NELL1: variants seen among roughly 807,000 people sequenced by gnomAD.
NELL1 encodes neural EGFL like 1, also known as protein kinase C-binding protein NELL1.
In NELL1, 76 loss-of-function variants were observed where a neutral mutation model predicts 107.4. The ratio of observed to expected loss-of-function variants is 0.71; its 90% CI spans 0.59 to 0.86. The LOEUF (loss-of-function observed/expected upper bound fraction) is 0.86. Ranked by LOEUF, NELL1 falls within the 40% of genes least tolerant of loss-of-function variation. The pLI is 0.00. For missense variants in NELL1, 1,024 were observed against 1,005.5 expected (o/e 1.02, Z -0.25); for synonymous variants, 353 against 341.2 (o/e 1.03, Z -0.38).
chr11:20,695,326 C>G lies in NELL1; in HGVS notation c.184+17266C>G, dbSNP rs146461559. On this transcript the variant is annotated intron_variant, in intron 2 of 19. Coordinates refer to ENST00000357134, the MANE Select transcript of NELL1 (RefSeq NM_006157.5). ...ATTGGTCTGACTAGCACTTCCAGTA[C>G]TGTGTTGAATAGGAGTGGTGAAAGT... Among the ~76,000 whole-genome samples the G allele has an allele frequency of 2.4e-3, 366 of 152,138 alleles. 2 individuals are homozygous for G. Among genetic ancestry groups the G allele is most frequent in the African/African-American group, 8.3e-3 (344 of 41,520 alleles).
chr11:21,094,789 C>T (rs1854602539), intron 12 of NELL1, among the ~76,000 whole-genome samples: 1 of 152,182 alleles, frequency 6.6e-6, no homozygotes, highest in African/African-American at 2.4e-5. Context: ...CACGAAGACC[C>T]TGGGCCTGGC....
At chr11:21,374,622 CA>C (rs1851428648) in intron 15 of NELL1, among the ~76,000 whole-genome samples, 1 of 152,032 alleles carries the variant, frequency 6.6e-6, no homozygotes, top group Admixed American at 6.6e-5. Flanking sequence ...AAACGATTGT[CA>C]AAGTATTTGT....
chr11:20,742,695 C>T (rs1590251645), intron 2 of NELL1, among the ~76,000 whole-genome samples: 1 of 152,096 alleles, frequency 6.6e-6, no homozygotes, highest in Non-Finnish European at 1.5e-5. Context: ...ACAAGAACAG[C>T]ATGGGAAAGA....
intron 12 of NELL1, among the ~76,000 whole-genome samples, chr11:21,080,857 A>G (rs1460505840): frequency 6.6e-6 from 1 of 151,976 alleles, no homozygotes; most frequent in Admixed American, 6.6e-5. Context: ...GTAGTGTTGG[A>G]TTATATGATC....
rs370514875 is a variant in NELL1 at position 21,478,493 on chromosome 11, T to C, written c.1646-55881T>C. On this transcript the variant is annotated intron_variant, in intron 15 of 19. Transcript: ENST00000357134. ...GGAGACAAGGCAAGTCCCTTCTCCC[T>C]GGGAGCCTGTAAAATCAAATGCAGG... Among the ~76,000 whole-genome samples, 6 of 152,258 alleles carry C rather than the reference T, an allele frequency of 3.9e-5. 1 individual carries two copies. The highest frequency in any genetic ancestry group is 1.4e-4 in the African/African-American group (6 of 41,568).
chr11:21,230,862 T>C (rs1056423048), intron 14 of NELL1, among the ~76,000 whole-genome samples: 4 of 152,188 alleles, frequency 2.6e-5, no homozygotes, highest in Admixed American at 1.3e-4. Context: ...TCAAAGTACG[T>C]ATTCTACTGA....
chr11:21,100,861 T>C (rs11025916), intron 12 of NELL1, among the ~76,000 whole-genome samples: 25,542 of 152,142 alleles, frequency 0.17, 2,378 homozygotes, highest in Middle Eastern at 0.3. Context: ...AATTATACTT[T>C]AAGTTTTAGA....
intron 15 of NELL1, among the ~76,000 whole-genome samples, chr11:21,502,798 C>T (rs1050033955): frequency 6.6e-6 from 1 of 152,154 alleles, no homozygotes; most frequent in Non-Finnish European, 1.5e-5. Flanking sequence ...CATCCTCAGG[C>T]AGATCCATGG....
At chr11:21,082,726 A>G (rs1854298761) in intron 12 of NELL1, among the ~76,000 whole-genome samples, 1 of 152,028 alleles carries the variant, frequency 6.6e-6, no homozygotes. Context: ...TCCCCCCAAA[A>G]AAACAGTTAA....
chr11:20,685,347 ATTCAT>A (rs977923549), intron 2 of NELL1, among the ~76,000 whole-genome samples: 2 of 152,064 alleles, frequency 1.3e-5, no homozygotes, highest in Admixed American at 1.3e-4. Flanking sequence ...AAAATTGAAA[ATTCAT>A]TTCCTCAGCC....
At chr11:21,013,270 C>CTT (rs1223795021) in intron 12 of NELL1, among the ~76,000 whole-genome samples, 4 of 152,120 alleles carry the variant, frequency 2.6e-5, no homozygotes. Flanking sequence ...CTTTGGCCAC[C>CTT]CGCTGGGACC....
intron 13 of NELL1, among the ~76,000 whole-genome samples, chr11:21,212,026 A>G (rs886368621): frequency 6.6e-6 from 1 of 152,070 alleles, no homozygotes; most frequent in African/African-American, 2.4e-5. Flanking sequence ...GGGTTTCACC[A>G]TGTTGGCCAG....
At chr11:21,071,318 C>T (rs553841517) in intron 12 of NELL1, among the ~76,000 whole-genome samples, 2 of 152,260 alleles carry the variant, frequency 1.3e-5, no homozygotes, top group Admixed American at 6.5e-5. Flanking sequence ...ATAGCATACA[C>T]TCAGTAAATA....
intron 12 of NELL1, among the ~76,000 whole-genome samples, chr11:21,076,721 A>G (rs1474305385): frequency 1.3e-5 from 2 of 152,208 alleles, no homozygotes. Flanking sequence ...CAGATAGCGC[A>G]TGAATGCCTT....
intron 14 of NELL1, among the ~76,000 whole-genome samples, chr11:21,262,753 G>A (rs1848559075): frequency 6.6e-6 from 1 of 151,656 alleles, no homozygotes; most frequent in Non-Finnish European, 1.5e-5. Context: ...CATCCTGTTG[G>A]TCACTCAGTG....
chr11:20,704,301 G>T (rs1489895269), intron 2 of NELL1, among the ~76,000 whole-genome samples: 2 of 152,134 alleles, frequency 1.3e-5, no homozygotes, highest in African/African-American at 4.8e-5. Context: ...TTTAAAGTCT[G>T]TTTTATCAGA....
At chr11:20,804,378 G>C (rs1857339366) in intron 3 of NELL1, among the ~76,000 whole-genome samples, 1 of 152,130 alleles carries the variant, frequency 6.6e-6, no homozygotes, top group South Asian at 2.1e-4. Flanking sequence ...TGAGACTACA[G>C]GCACGTGCCA....
chr11:20,857,232 G>A (rs928035842), intron 4 of NELL1, among the ~76,000 whole-genome samples: 22 of 152,120 alleles, frequency 1.4e-4, no homozygotes, highest in African/African-American at 4.3e-4. Flanking sequence ...GCAGGCAGCC[G>A]AGATAAAGGC....
At position 20,837,878 on chromosome 11, in the gene NELL1, A is replaced by G. The variant is rs183019573; in HGVS notation, c.336-9705A>G. Among the ~76,000 whole-genome samples the G allele has an allele frequency of 2.6e-3, 399 of 152,264 alleles. 1 individual carries two copies. Among genetic ancestry groups the G allele is most frequent in the African/African-American group, 9.0e-3 (375 of 41,572 alleles). ...CTCCCATGCAGTAAAATTCTAAGTAATTTATGTAAAATGAATCTTTTCATT... is the reference window on the plus strand; with the variant it reads ...CTCCCATGCAGTAAAATTCTAAGTAGTTTATGTAAAATGAATCTTTTCATT... On this transcript the variant is annotated intron_variant, in intron 3 of 19. Transcript: ENST00000357134.
Sources: allele counts gnomAD v4.1 joint callset (sites outside exome capture counted in the v4.1 genomes callset), GRCh38; gene constraint gnomAD v4.1.1; transcripts MANE v1.5; gene names NCBI Gene and HGNC (gene_info 2026-07-23, HGNC 2026-07-21).